The following ERLEC1 variants were observed in gnomAD, a reference collection of about 807,000 sequenced individuals.
The protein encoded by ERLEC1 is ER lectin.
ERLEC1 carries 47 observed loss-of-function variants against 68.0 expected under a neutral mutation model. That is an observed-to-expected ratio of 0.69 (90% CI 0.55 to 0.88). The LOEUF is 0.88. ERLEC1 is among the 40% of genes least tolerant of loss of function. The pLI, the probability that ERLEC1 is intolerant of heterozygous loss-of-function variation, is 0.00. For synonymous variants in ERLEC1, 225 were observed against 203.2 expected, an observed-to-expected ratio of 1.11 and a Z score of -0.91; for missense variants, 567 against 583.8, an observed-to-expected ratio of 0.97 and a Z score of 0.30.
rs751773415 is a variant in ERLEC1, at chr2:53,787,330, C to T, written c.120C>T (p.Asp40=). ...GGRALPQLSD[D]IPFRVNWPGT... ...GAGCCCTTCCTCAACTCAGCGATGA[C>T]ATCCCTTTCCGAGTCAACTGGCCCG... Residue 40 remains aspartate (D), a synonymous_variant, in exon 1 of 14, where the codon GAC becomes GAT. Coordinates refer to ENST00000185150, the MANE Select transcript of ERLEC1 (RefSeq NM_015701.5). 1.9e-6 allele frequency: 3 copies of T among 1,611,914 alleles called. No individual in the cohort carries two copies. The highest frequency in any genetic ancestry group is 1.1e-5 in the South Asian group (1 of 91,068).
chr2:53,813,266 C>T (rs1443649101), intron 11 of ERLEC1, among the ~76,000 whole-genome samples, 193 bp downstream of exon 11: 1 of 152,134 alleles, frequency 6.6e-6, no homozygotes, highest in Non-Finnish European at 1.5e-5. Context: ...TCCCTGGAGT[C>T]AGACTACCTG....
chr2:53,791,996 C>CCG (rs1457356028), intron 1 of ERLEC1, among the ~76,000 whole-genome samples: 2 of 151,900 alleles, frequency 1.3e-5, no homozygotes, highest in Non-Finnish European at 2.9e-5. Context: ...TCTGCAAGCT[C>CCG]CGCCTCCCGG....
intron 6 of ERLEC1, among the ~76,000 whole-genome samples, chr2:53,799,533 A>G (rs1220642432): frequency 6.6e-6 from 1 of 152,172 alleles, no homozygotes; most frequent in African/African-American, 2.4e-5. Flanking sequence ...AGTGTCAGAC[A>G]TATTATAGGC....
At chr2:53,796,175 T>C (rs896891236) in intron 3 of ERLEC1, among the ~76,000 whole-genome samples, 162 bp downstream of exon 3, 6 of 151,760 alleles carry the variant, frequency 4.0e-5, no homozygotes, top group Non-Finnish European at 8.8e-5. Context: ...ATAGGTAAAC[T>C]GCATGTCACC....
chr2:53,813,014 G>C lies in ERLEC1; in HGVS notation c.1167G>C (p.Trp389Cys). 6.2e-7 allele frequency: 1 copy of C among 1,613,770 alleles called. No individual in the cohort carries two copies. Among genetic ancestry groups the C allele is most frequent in the South Asian group, 1.1e-5 (1 of 91,012 alleles). ...GGAACCAAGAAGAGCATATTGAATG[G>C]GCTAAGAAGAATACTGCTAGAGCTT... is the stretch of plus-strand genomic sequence containing the variant. ...GTWNQEEHIE[W>C]AKKNTARAYH... The change falls in exon 11 of 14, where the codon TGG becomes TGC. Residue 389 changes from tryptophan (W) to cysteine (C), a missense_variant. Transcript: ENST00000185150.
chr2:53,807,873 A>AC lies in ERLEC1; in HGVS notation c.880-426_880-425insC, dbSNP rs1434253194. On this transcript the variant is annotated intron_variant, in intron 8 of 13. Coordinates refer to ENST00000185150, the MANE Select transcript of ERLEC1 (RefSeq NM_015701.5). ...AACAACAACAACAACAACAACAACA[A>AC]AAAATGCCAGGCGTGGTGGCAGGCT... is the stretch of plus-strand genomic sequence containing the variant. Among the ~76,000 whole-genome samples, 254 of 151,530 alleles carry AC rather than the reference A, an allele frequency of 1.7e-3. 1 individual carries two copies. Among genetic ancestry groups the AC allele is most frequent in the African/African-American group, 5.9e-3 (244 of 41,158 alleles).
chr2:53,814,995 C>CTTTTTTATTTTTTTTT, intron 13 of ERLEC1, 60 bp downstream of exon 13: 1 of 467,766 alleles, frequency 2.1e-6, no homozygotes, highest in Non-Finnish European at 3.4e-6. Flanking sequence ...ATTTTTTTTT[C>CTTTTTTATTTTTTTTT]TTTTTTTTTT....
intron 8 of ERLEC1, among the ~76,000 whole-genome samples, chr2:53,805,103 T>C (rs1018899042): frequency 6.7e-6 from 1 of 149,422 alleles, no homozygotes; most frequent in Admixed American, 6.7e-5. Flanking sequence ...CAAGTGATTC[T>C]CCTCCAACTC....
At chr2:53,797,870 A>C in intron 5 of ERLEC1, 75 bp downstream of exon 5, 1 of 1,332,768 alleles carries the variant, frequency 7.5e-7, no homozygotes, top group Non-Finnish European at 1.1e-6. Context: ...GGAATTTACG[A>C]GATTTTTTTT....
In ERLEC1 at chr2:53,812,876, G is replaced by T. The variant is rs74504425; in HGVS notation, c.1102-73G>T. 6.9e-3 allele frequency: 10,387 copies of T among 1,513,392 alleles called. 54 individuals carry two copies. Among genetic ancestry groups the T allele is most frequent in the Non-Finnish European group, 8.4e-3 (9,360 of 1,116,230 alleles). The allele number at this position is 1,513,392 out of a possible 1,614,324, so 93.7% of individuals were successfully genotyped here. A position where few individuals can be genotyped will look rare whatever the true frequency, so the allele number is the denominator to read the frequency against. On this transcript the variant is annotated intron_variant, in intron 10 of 13. Coordinates refer to ENST00000185150, the MANE Select transcript of ERLEC1 (RefSeq NM_015701.5). ...CAGATAAAGACTAGCTTACAAGAAG[G>T]TCAGGTCATCAGCATAAATATCTAC...
intron 5 of ERLEC1, 104 bp from the exon 6 acceptor site, chr2:53,798,943 C>T (rs536006799): frequency 1.1e-6 from 1 of 918,930 alleles, no homozygotes; most frequent in Admixed American, 2.6e-5. Context: ...TGTTTTGGAC[C>T]TTCTTTAGAA....
intron 13 of ERLEC1, 60 bp downstream of exon 13, chr2:53,814,995 CT>C (rs777632156): frequency 0.14 from 64,151 of 461,590 alleles, 148 homozygotes; most frequent in African/African-American, 0.16. Context: ...ATTTTTTTTT[CT>C]TTTTTTTTTT....
intron 11 of ERLEC1, among the ~76,000 whole-genome samples, chr2:53,813,913 A>AT (rs1387800723): frequency 6.6e-6 from 1 of 152,130 alleles, no homozygotes; most frequent in Non-Finnish European, 1.5e-5. Flanking sequence ...AGCATTAGGT[A>AT]TATCTCCTAA....
intron 9 of ERLEC1, 152 bp from the exon 10 acceptor site, chr2:53,809,062 T>C (rs2104326332): frequency 1.6e-6 from 1 of 618,360 alleles, no homozygotes; most frequent in Non-Finnish European, 2.8e-6. Flanking sequence ...TGTATTTGTC[T>C]TTAATTTCTC....
chr2:53,799,757 CTT>C lies in ERLEC1; in HGVS notation c.525+678_525+679del, dbSNP rs545387471. On this transcript the variant is annotated intron_variant, in intron 6 of 13. Transcript: ENST00000185150. The stretch of plus-strand genomic sequence containing the variant: ...TAGAAGTAAAGTAAAATGGCAAAGT[CTT>C]TGAAAATTACTTAAAAGTGATGCCT... Among the ~76,000 whole-genome samples the C allele has an allele frequency of 4.7e-3, 709 of 152,078 alleles. 2 individuals are homozygous for C. The highest frequency in any genetic ancestry group is 7.9e-3 in the Admixed American group (120 of 15,276).
intron 8 of ERLEC1, among the ~76,000 whole-genome samples, chr2:53,805,110 A>G (rs1158843466): frequency 6.8e-6 from 1 of 146,924 alleles, no homozygotes; most frequent in Admixed American, 6.9e-5. Flanking sequence ...TTCTCCTCCA[A>G]CTCCTGGTTT....
chr2:53,803,065 C>G (rs140130257), intron 8 of ERLEC1, among the ~76,000 whole-genome samples: 21 of 152,352 alleles, frequency 1.4e-4, no homozygotes, highest in African/African-American at 5.0e-4. Context: ...ACTACTTCCT[C>G]TTCTGTGGTC....
chr2:53,796,835 T>C (rs1199522600), intron 3 of ERLEC1, among the ~76,000 whole-genome samples: 1 of 151,702 alleles, frequency 6.6e-6, no homozygotes, highest in Non-Finnish European at 1.5e-5. Flanking sequence ...ACAAATCATA[T>C]CACTTACCAA....
chr2:53,792,024 G>A (rs1333209604), intron 1 of ERLEC1, among the ~76,000 whole-genome samples: 1 of 151,504 alleles, frequency 6.6e-6, no homozygotes, highest in African/African-American at 2.4e-5. Flanking sequence ...CCATTCACCT[G>A]CCTCAGCCTC....
Sources: allele counts gnomAD v4.1 joint callset (sites outside exome capture counted in the v4.1 genomes callset), GRCh38; gene constraint gnomAD v4.1.1; transcripts MANE v1.5; gene names NCBI Gene and HGNC (gene_info 2026-07-23, HGNC 2026-07-21).